DMD: variants seen among roughly 807,000 people sequenced by gnomAD.
DMD encodes dystrophin.
In DMD, 63 loss-of-function variants were observed where a neutral mutation model predicts 330.1. That is an observed-to-expected ratio of 0.19 (90% CI 0.16 to 0.24). DMD has a LOEUF of 0.24. Among genes scored for constraint, DMD ranks in the 10% least tolerant of loss-of-function variants. DMD has a pLI of 1.00. For missense variants in DMD, 3,344 were observed against 2,684.1 expected, an observed-to-expected ratio of 1.25 and a Z score of -5.43; for synonymous variants, 1,223 against 959.8, an observed-to-expected ratio of 1.27 and a Z score of -5.07.
chrX:32,382,456 TCTAAA>T (rs2147497983), intron 33 of DMD, among the ~76,000 whole-genome samples: 1 of 111,467 alleles, frequency 9.0e-6, no homozygotes, highest in South Asian at 3.7e-4. Context: ...GTATAAAGCA[TCTAAA>T]ATGCTACAAT....
intron 43 of DMD, among the ~76,000 whole-genome samples, chrX:32,260,506 T>C (rs1208907797): frequency 9.0e-6 from 1 of 111,717 alleles, no homozygotes; most frequent in African/African-American, 3.3e-5. Context: ...CCTATAATCA[T>C]AGTGCTCTGT....
rs147204833 is a variant in DMD, at chrX:32,946,827, G to T, written c.93+73312C>A. On this transcript the variant is annotated intron_variant, in intron 2 of 78. Coordinates refer to ENST00000357033, the MANE Select transcript of DMD (RefSeq NM_004006.3). ...TTCCTGTGCATTATAGTCACCTGGGGAGCTTTTAAACAGCCCAGTGACTAG... is the reference window on the plus strand; with the variant it reads ...TTCCTGTGCATTATAGTCACCTGGGTAGCTTTTAAACAGCCCAGTGACTAG... 9.2e-3 allele frequency among the ~76,000 whole-genome samples: 1,026 copies of T among 111,071 alleles called. 12 individuals are homozygous for T. Among genetic ancestry groups the T allele is most frequent in the African/African-American group, 0.032 (966 of 30,567 alleles).
intron 37 of DMD, among the ~76,000 whole-genome samples, chrX:32,357,660 TAC>T (rs3044986): frequency 0.036 from 3,444 of 94,653 alleles, 74 homozygotes; most frequent in East Asian, 0.061. Context: ...CATACACAGA[TAC>T]ACACACACAC....
At chrX:32,715,576 G>C (rs1054400914) in intron 7 of DMD, among the ~76,000 whole-genome samples, 1 of 106,892 alleles carries the variant, frequency 9.4e-6, no homozygotes, top group Admixed American at 1.0e-4. Flanking sequence ...AGGCAGATAC[G>C]CAGATCACCT....
intron 59 of DMD, among the ~76,000 whole-genome samples, chrX:31,469,279 T>G (rs2067122189): frequency 8.9e-6 from 1 of 111,907 alleles, no homozygotes; most frequent in Non-Finnish European, 1.9e-5. Context: ...TCTTTACAAT[T>G]TGTTATGTTT....
intron 9 of DMD, among the ~76,000 whole-genome samples, chrX:32,678,724 G>C (rs992906152): frequency 2.7e-5 from 3 of 111,569 alleles, no homozygotes; most frequent in African/African-American, 9.8e-5. Flanking sequence ...GACCAAAAAA[G>C]AATCTGTGCT....
At chrX:32,686,039 AT>A (rs775648190) in intron 9 of DMD, among the ~76,000 whole-genome samples, 33 of 111,743 alleles carry the variant, frequency 3.0e-4, no homozygotes, top group Admixed American at 1.2e-3. Flanking sequence ...TTGCTAGTAG[AT>A]TTGAGACCCA....
At chrX:32,554,939 AAGAG>A (rs1175814446) in intron 16 of DMD, among the ~76,000 whole-genome samples, 698 of 27,598 alleles carry the variant, frequency 0.025, 111 homozygotes, top group African/African-American at 0.24. Context: ...GAAAGAAAGA[AAGAG>A]AGAGAGAGGG....
chrX:32,850,886 T>A (rs1256198784), intron 2 of DMD, among the ~76,000 whole-genome samples: 4 of 111,484 alleles, frequency 3.6e-5, no homozygotes, highest in Non-Finnish European at 7.5e-5. Flanking sequence ...TGCTAGTACA[T>A]CAGACATAGG....
intron 44 of DMD, among the ~76,000 whole-genome samples, chrX:32,022,775 A>G (rs1036669404): frequency 1.6e-4 from 18 of 111,632 alleles, no homozygotes; most frequent in African/African-American, 5.5e-4. Flanking sequence ...CATATATTGC[A>G]AAAAAGGATT....
At chrX:33,099,437 C>T (rs1171056312) in intron 1 of DMD, among the ~76,000 whole-genome samples, 1 of 111,001 alleles carries the variant, frequency 9.0e-6, no homozygotes, top group Admixed American at 9.7e-5. Flanking sequence ...TAACCCTACC[C>T]ACAACTTTGA....
At chrX:32,365,260 A>T (rs1033485937) in intron 34 of DMD, 61 bp from the exon 35 acceptor site, 4 of 1,104,385 alleles carry the variant, frequency 3.6e-6, no homozygotes, top group Non-Finnish European at 3.7e-6. Flanking sequence ...TTTAATGCTT[A>T]TGAAACGGCT....
At chrX:32,069,039 G>C (rs1441836595) in intron 44 of DMD, among the ~76,000 whole-genome samples, 2 of 112,049 alleles carry the variant, frequency 1.8e-5, no homozygotes, top group Non-Finnish European at 3.8e-5. Flanking sequence ...CTGGGACAAA[G>C]TATCTGAAAT....
intron 44 of DMD, among the ~76,000 whole-genome samples, chrX:32,118,204 A>G (rs1353702104): frequency 8.9e-6 from 1 of 111,877 alleles, no homozygotes; most frequent in East Asian, 2.8e-4. Flanking sequence ...ATCCTATTTT[A>G]CACAGTAAAG....
chrX:31,491,550 C>T (rs747735964), intron 57 of DMD, among the ~76,000 whole-genome samples: 1 of 112,195 alleles, frequency 8.9e-6, no homozygotes, highest in Non-Finnish European at 1.9e-5. Flanking sequence ...CATATTTGAG[C>T]TTTAATTATT....
intron 1 of DMD, among the ~76,000 whole-genome samples, chrX:33,335,509 C>T (rs1195182023): frequency 9.0e-6 from 1 of 110,549 alleles, no homozygotes; most frequent in Non-Finnish European, 1.9e-5. Flanking sequence ...ATTTTATGAA[C>T]CTTAGCTTAG....
rs186477679 is a variant in DMD, at chrX:32,473,793, A to G, written c.2804-1484T>C. ...TTTGTAGTACTTAAAATCTGTTTTA[A>G]TTTACATAAATAATATGTTTCTCTA... On this transcript the variant is annotated intron_variant, in intron 21 of 78. Transcript: ENST00000357033. 5.8e-3 allele frequency among the ~76,000 whole-genome samples: 648 copies of G among 111,387 alleles called. 12 individuals are homozygous for G. The highest frequency in any genetic ancestry group is 0.055 in the Admixed American group (573 of 10,430).
chrX:31,669,841 G>GAA lies in DMD; in HGVS notation c.7872+9532_7872+9533dup, dbSNP rs552678406. 3.0e-3 allele frequency among the ~76,000 whole-genome samples: 246 copies of GAA among 83,149 alleles called. 1 individual carries two copies. Among genetic ancestry groups the GAA allele is most frequent in the African/African-American group, 8.4e-3 (198 of 23,706 alleles). The allele number at this position is 83,149 out of a possible 115,157, so 72.2% of individuals were successfully genotyped here. A position where few individuals can be genotyped will look rare whatever the true frequency, so the allele number is the denominator to read the frequency against. ...TGGTAGGATCCACTTGTCAATTTCTGAAAAAAAAAAAAAAGCCAGTTGTGA... is the reference window on the plus strand; with the variant it reads ...TGGTAGGATCCACTTGTCAATTTCTGAAAAAAAAAAAAAAAAGCCAGTTGTGA... On this transcript the variant is annotated intron_variant, in intron 53 of 78. Transcript: ENST00000357033.
chrX:32,081,098 T>C (rs962035069), intron 44 of DMD, among the ~76,000 whole-genome samples: 5 of 112,186 alleles, frequency 4.5e-5, no homozygotes, highest in Non-Finnish European at 9.4e-5. Context: ...CACCTCTGTA[T>C]CTTTAGGGAA....
Sources: allele counts gnomAD v4.1 joint callset (sites outside exome capture counted in the v4.1 genomes callset), GRCh38; gene constraint gnomAD v4.1.1; transcripts MANE v1.5; gene names NCBI Gene and HGNC (gene_info 2026-07-23, HGNC 2026-07-21).